Variants in AKR1C3 observed in about 807,000 individuals in gnomAD.
AKR1C3 encodes the protein aldo-keto reductase family 1 member C3.
A neutral mutation model predicts 43.6 loss-of-function variants in AKR1C3; 48 were observed. The observed-to-expected ratio is 1.10, with a 90% CI of 0.87 to 1.40. The LOEUF is 1.40. Ranked by LOEUF, AKR1C3 falls within the 40% of genes most tolerant of loss-of-function variation. The probability of loss-of-function intolerance (pLI) is 0.00; values close to 1 mark genes in which losing one functional copy is unlikely to be tolerated. For synonymous variants in AKR1C3, 162 were observed against 139.6 expected (o/e 1.16, Z -1.13); for missense variants, 482 against 391.2 (o/e 1.23, Z -1.96).
chr10:5,082,356 C>T (rs1390563961), intron 1 of AKR1C3, among the ~76,000 whole-genome samples: 1 of 152,104 alleles, frequency 6.6e-6, no homozygotes. Context: ...ACATCCTTGT[C>T]TTGTTCCAGT....
intron 1 of AKR1C3, chr10:5,077,552 G>A (rs572704661): frequency 2.0e-6 from 1 of 505,492 alleles, no homozygotes; most frequent in South Asian, 8.6e-5. Context: ...GAAATGCAAG[G>A]TTTGTCTTTT....
At chr10:5,049,739 T>C (rs1011017084) in intron 1 of AKR1C3, among the ~76,000 whole-genome samples, 1 of 152,256 alleles carries the variant, frequency 6.6e-6, no homozygotes, top group African/African-American at 2.4e-5. Flanking sequence ...GTGTGTTCTG[T>C]GCAACATCAC....
chr10:5,056,774 C>G (rs1051300200), intron 1 of AKR1C3, among the ~76,000 whole-genome samples: 26 of 152,144 alleles, frequency 1.7e-4, no homozygotes, highest in African/African-American at 6.3e-4. Context: ...TAATATATGC[C>G]TCCCTAATAA....
intron 3 of AKR1C3, 187 bp downstream of exon 3, chr10:5,097,737 C>T: frequency 2.2e-6 from 3 of 1,392,200 alleles, no homozygotes; most frequent in Non-Finnish European, 1.9e-6. Context: ...CTAATGCACA[C>T]CTACAAGAGA....
intron 1 of AKR1C3, among the ~76,000 whole-genome samples, chr10:5,079,292 C>A (rs1554782137): frequency 6.6e-6 from 1 of 151,958 alleles, no homozygotes. Context: ...ATACAGGGTG[C>A]AATAAAACAA....
chr10:5,065,503 C>G (rs1287404738), intron 1 of AKR1C3, among the ~76,000 whole-genome samples: 1 of 152,074 alleles, frequency 6.6e-6, no homozygotes, highest in Non-Finnish European at 1.5e-5. Context: ...AGGTTCTTGG[C>G]TTCTTGAACA....
intron 1 of AKR1C3, among the ~76,000 whole-genome samples, chr10:5,056,985 C>T (rs912755320): frequency 4.6e-5 from 7 of 152,180 alleles, no homozygotes; most frequent in Non-Finnish European, 1.5e-5. Flanking sequence ...AAGTCAATTT[C>T]CTGGTCCTGA....
chr10:5,105,574 A>C (rs782066234), intron 7 of AKR1C3, 21 bp from the exon 8 acceptor site: 3 of 1,598,836 alleles, frequency 1.9e-6, no homozygotes, highest in East Asian at 4.5e-5. Context: ...AAAAATAATA[A>C]AAGTTTTTTA....
At chr10:5,085,056 G>C (rs1554782871) in intron 1 of AKR1C3, among the ~76,000 whole-genome samples, 2 of 152,044 alleles carry the variant, frequency 1.3e-5, no homozygotes. Context: ...TTTCCTAATT[G>C]AATACCCTTT....
At chr10:5,095,644 A>C (rs1364136712) in intron 1 of AKR1C3, among the ~76,000 whole-genome samples, 2 of 152,104 alleles carry the variant, frequency 1.3e-5, no homozygotes, top group Admixed American at 6.6e-5. Context: ...TCTTTATCCA[A>C]ATTTGGTCAA....
At chr10:5,050,181 C>G (rs1456675417) in intron 1 of AKR1C3, among the ~76,000 whole-genome samples, 1 of 152,198 alleles carries the variant, frequency 6.6e-6, no homozygotes, top group Non-Finnish European at 1.5e-5. Flanking sequence ...AATTCGGTGT[C>G]TTTACTCATT....
chr10:5,102,989 GGAT>G (rs1554786380), intron 7 of AKR1C3, among the ~76,000 whole-genome samples: 1 of 151,458 alleles, frequency 6.6e-6, no homozygotes, highest in East Asian at 1.9e-4. Flanking sequence ...CTCCCAGATG[GGAT>G]GATTCTCCTG....
intron 8 of AKR1C3, among the ~76,000 whole-genome samples, chr10:5,106,476 C>T (rs587721341): frequency 3.3e-4 from 50 of 152,228 alleles, no homozygotes; most frequent in Middle Eastern, 6.8e-3. Flanking sequence ...TATGGCCGGG[C>T]GCAGTGGCTC....
At chr10:5,055,400 GT>G (rs1838238731) in intron 1 of AKR1C3, among the ~76,000 whole-genome samples, 1 of 152,214 alleles carries the variant, frequency 6.6e-6, no homozygotes, top group African/African-American at 2.4e-5. Context: ...TCAAGGAGTA[GT>G]GCCTAGTATC....
chr10:5,098,887 C>T lies in AKR1C3; in HGVS notation c.447+8C>T. Reference sequence around the variant, plus strand: ...CTCTGTACCACCTGGGAGGTGAGTGCTTGGCGGAGAGGACACAGAGAAGGA... The same window carrying T: ...CTCTGTACCACCTGGGAGGTGAGTGTTTGGCGGAGAGGACACAGAGAAGGA... On this transcript the variant is annotated splice_region_variant and intron_variant, in intron 4 of 8. Transcript: ENST00000380554. The T allele has an allele frequency of 1.2e-6, 2 of 1,605,290 alleles. No individual in the cohort carries two copies. The highest frequency in any genetic ancestry group is 2.7e-5 in the African/African-American group (2 of 74,548).
At chr10:5,063,418 T>A (rs569368846) in intron 1 of AKR1C3, among the ~76,000 whole-genome samples, 20 of 152,104 alleles carry the variant, frequency 1.3e-4, no homozygotes, top group Non-Finnish European at 2.8e-4. Context: ...ACCAATGTCA[T>A]TTTAAAAAAT....
At chr10:5,088,989 G>C (rs949380236) in intron 1 of AKR1C3, among the ~76,000 whole-genome samples, 2 of 152,024 alleles carry the variant, frequency 1.3e-5, no homozygotes, top group African/African-American at 4.8e-5. Context: ...GGCTAGTCTA[G>C]TGGTGACAAA....
At chr10:5,059,477 T>C (rs575027276) in intron 1 of AKR1C3, among the ~76,000 whole-genome samples, 88 of 152,152 alleles carry the variant, frequency 5.8e-4, no homozygotes, top group African/African-American at 2.0e-3. Flanking sequence ...AGCTGCATGG[T>C]TTTCCTCTCT....
chr10:5,073,012 A>G (rs1238283275), intron 1 of AKR1C3, among the ~76,000 whole-genome samples: 1 of 152,046 alleles, frequency 6.6e-6, no homozygotes, highest in African/African-American at 2.4e-5. Context: ...CTCCCAGGTT[A>G]GAGTGTAGTG....
Sources: allele counts gnomAD v4.1 joint callset (sites outside exome capture counted in the v4.1 genomes callset), GRCh38; gene constraint gnomAD v4.1.1; transcripts MANE v1.5; gene names NCBI Gene and HGNC (gene_info 2026-07-23, HGNC 2026-07-21).